The following SCHIP1 variants were observed in gnomAD, a reference collection of about 807,000 sequenced individuals.
The protein encoded by SCHIP1 is schwannomin interacting protein 1, also known as schwannomin-interacting protein 1.
SCHIP1 carries 8 observed loss-of-function variants against 29.7 expected under a neutral mutation model. The ratio of observed to expected loss-of-function variants is 0.27; its 90% confidence interval spans 0.16 to 0.49. The LOEUF is 0.49. Ranked by LOEUF, SCHIP1 falls within the 20% of genes least tolerant of loss-of-function variation. The pLI is 0.99. For synonymous variants in SCHIP1, 76 were observed against 94.9 expected, an observed-to-expected ratio of 0.80 and a Z score of 1.16; for missense variants, 193 against 294.6, an observed-to-expected ratio of 0.66 and a Z score of 2.52.
chr3:159,759,403 G>A, the SCHIP1 span, among the ~76,000 whole-genome samples: 1 of 152,206 alleles, frequency 6.6e-6, no homozygotes, highest in African/African-American at 2.4e-5. Flanking sequence ...CAAGGAAGGT[G>A]ATGAAAAGAT....
At chr3:159,856,071 G>A (rs560424328) in intron 1 of SCHIP1, among the ~76,000 whole-genome samples, 4 of 152,322 alleles carry the variant, frequency 2.6e-5, no homozygotes, top group African/African-American at 9.6e-5. Flanking sequence ...AATCCGAGGT[G>A]TATGTGTTCA....
At chr3:159,629,143 A>G in the SCHIP1 span, among the ~76,000 whole-genome samples, 1 of 137,102 alleles carries the variant, frequency 7.3e-6, no homozygotes, top group Admixed American at 7.1e-5. Flanking sequence ...TTAAACAAAA[A>G]CACACACACA....
the SCHIP1 span, among the ~76,000 whole-genome samples, chr3:159,391,505 G>C: frequency 6.6e-6 from 1 of 152,054 alleles, no homozygotes. Flanking sequence ...TTGCCTGAAA[G>C]CAATTAAGTT....
At chr3:159,578,336 A>T in the SCHIP1 span, among the ~76,000 whole-genome samples, 1 of 152,350 alleles carries the variant, frequency 6.6e-6, no homozygotes, top group African/African-American at 2.4e-5. Context: ...AAAAATATAT[A>T]AAATAAGCCA....
chr3:159,304,683 G>T, the SCHIP1 span, among the ~76,000 whole-genome samples: 1,071 of 152,190 alleles, frequency 7.0e-3, 12 homozygotes, highest in African/African-American at 0.025. Context: ...TATCTTGCTG[G>T]CATTTTTAAT....
chr3:159,577,746 C>T, the SCHIP1 span, among the ~76,000 whole-genome samples: 2 of 151,998 alleles, frequency 1.3e-5, no homozygotes, highest in African/African-American at 4.8e-5. Flanking sequence ...AAATTTAATC[C>T]CTTTGCAGGT....
the SCHIP1 span, among the ~76,000 whole-genome samples, chr3:159,830,179 A>G: frequency 1.3e-5 from 2 of 152,190 alleles, no homozygotes; most frequent in Non-Finnish European, 2.9e-5. Context: ...ATTTAGTTCT[A>G]TGTAAAGCTA....
the SCHIP1 span, among the ~76,000 whole-genome samples, chr3:159,417,327 G>C: frequency 3.3e-5 from 5 of 152,180 alleles, no homozygotes; most frequent in African/African-American, 1.2e-4. Flanking sequence ...TCAGCCAATT[G>C]TAAAGAGTCA....
chr3:159,838,467 A>G (rs1269462427), upstream of SCHIP1, among the ~76,000 whole-genome samples: 1 of 152,230 alleles, frequency 6.6e-6, no homozygotes, highest in African/African-American at 2.4e-5. Context: ...GGCTACATAA[A>G]TAGAACATAG....
At chr3:159,609,539 C>T in the SCHIP1 span, among the ~76,000 whole-genome samples, 1 of 152,042 alleles carries the variant, frequency 6.6e-6, no homozygotes, top group African/African-American at 2.4e-5. Flanking sequence ...TTCCTGGCAG[C>T]TTGATGTGGC....
At chr3:159,775,559 A>G in the SCHIP1 span, among the ~76,000 whole-genome samples, 2 of 152,146 alleles carry the variant, frequency 1.3e-5, no homozygotes, top group East Asian at 1.9e-4. Flanking sequence ...GCAGGTTACC[A>G]ATTCAAAGTC....
chr3:159,390,077 G>C, the SCHIP1 span, among the ~76,000 whole-genome samples: 1 of 151,760 alleles, frequency 6.6e-6, no homozygotes, highest in Admixed American at 6.6e-5. Flanking sequence ...TAAAATGTTT[G>C]TTCTTCAATT....
At chr3:159,458,561 TTTC>T in the SCHIP1 span, among the ~76,000 whole-genome samples, 1 of 132,674 alleles carries the variant, frequency 7.5e-6, no homozygotes, top group Non-Finnish European at 1.6e-5. Context: ...TGAACTGACT[TTTC>T]TTTTTTTTTT....
At chr3:159,494,095 TCAAAG>T in the SCHIP1 span, among the ~76,000 whole-genome samples, 1 of 152,180 alleles carries the variant, frequency 6.6e-6, no homozygotes, top group African/African-American at 2.4e-5. Flanking sequence ...TGGAACATAT[TCAAAG>T]CAGTGTGTAG....
the SCHIP1 span, among the ~76,000 whole-genome samples, chr3:159,346,524 T>C: frequency 1.4e-3 from 210 of 152,274 alleles, no homozygotes; most frequent in African/African-American, 4.8e-3. Context: ...TTAAAACACA[T>C]TTTAATTAAA....
intron 5 of SCHIP1, among the ~76,000 whole-genome samples, chr3:159,889,715 A>C (rs1350714210): frequency 6.6e-6 from 1 of 152,256 alleles, no homozygotes; most frequent in Admixed American, 6.5e-5. Context: ...TATGAGCCAA[A>C]CAGGGAAATG....
the SCHIP1 span, among the ~76,000 whole-genome samples, chr3:159,315,350 C>G: frequency 1.3e-5 from 2 of 150,986 alleles, no homozygotes; most frequent in Admixed American, 1.3e-4. Context: ...AGGCACCCAC[C>G]ACTATGCCCG....
At chr3:159,715,227 C>A in the SCHIP1 span, among the ~76,000 whole-genome samples, 2 of 152,172 alleles carry the variant, frequency 1.3e-5, no homozygotes, top group Non-Finnish European at 2.9e-5. Context: ...GACATCCACA[C>A]CAAAACCCCA....
the SCHIP1 span, among the ~76,000 whole-genome samples, chr3:159,591,999 A>AAAAG: frequency 0.17 from 26,018 of 149,528 alleles, 6,125 homozygotes; most frequent in African/African-American, 0.55. Context: ...CAAAAAAAAA[A>AAAAG]AAAGAAAGAA....
Sources: gnomAD v4.1 joint callset for allele counts (sites outside exome capture counted in the v4.1 genomes callset) on GRCh38, gnomAD v4.1.1 for gene constraint, MANE v1.5 for transcripts, NCBI Gene and HGNC (gene_info 2026-07-23, HGNC 2026-07-21) for gene names.